The following SF3B1 variants were observed in gnomAD, a reference collection of about 807,000 sequenced individuals.
SF3B1 encodes the protein splicing factor 3b subunit 1, also known as pre-mRNA processing 10.
SF3B1 carries 12 observed loss-of-function variants against 153.8 expected under a neutral mutation model. That is an observed-to-expected ratio of 0.08 (90% CI 0.05 to 0.13). The LOEUF (loss-of-function observed/expected upper bound fraction) is 0.13. Ranked by LOEUF, SF3B1 falls within the 10% of genes least tolerant of loss-of-function variation. SF3B1 has a pLI of 1.00. For synonymous variants in SF3B1, 498 were observed against 525.2 expected, an observed-to-expected ratio of 0.95 and a Z score of 0.71; for missense variants, 513 against 1,606.1, an observed-to-expected ratio of 0.32 and a Z score of 11.63.
chr2:197,415,546 A>C (rs1002060446), intron 6 of SF3B1, among the ~76,000 whole-genome samples: 2 of 152,068 alleles, frequency 1.3e-5, no homozygotes, highest in Non-Finnish European at 2.9e-5. Context: ...GAGCCACCGC[A>C]CCCAGCCGCT....
intron 12 of SF3B1, 64 bp from the exon 13 acceptor site, chr2:197,403,099 C>G (rs1416096628): frequency 1.8e-6 from 2 of 1,114,482 alleles, no homozygotes; most frequent in African/African-American, 3.2e-5. Context: ...TGCTCATGTA[C>G]AGAATTAAAC....
Position 197,434,953 on chromosome 2 carries a change from G to C in SF3B1, c.28+19C>G. On this transcript the variant is annotated intron_variant, in intron 1 of 24. Transcript: ENST00000335508. Reference sequence around the variant, plus strand: ...GGCTAGCAACGAAGAAAACACGTAAGCAGGGAAAGACCGCTTACCTTCGTG... The same window carrying C: ...GGCTAGCAACGAAGAAAACACGTAACCAGGGAAAGACCGCTTACCTTCGTG... The C allele has an allele frequency of 6.2e-7, 1 of 1,612,394 alleles. No homozygotes were observed. Among genetic ancestry groups the C allele is most frequent in the Non-Finnish European group, 8.5e-7 (1 of 1,178,340 alleles).
intron 3 of SF3B1, 69 bp downstream of exon 3, chr2:197,420,960 T>C (rs113280079): frequency 1.1e-6 from 1 of 930,530 alleles, no homozygotes; most frequent in African/African-American, 1.7e-5. Context: ...AATTTATGGA[T>C]TTCTATGGGA....
At chr2:197,415,737 A>G (rs2085138148) in intron 6 of SF3B1, among the ~76,000 whole-genome samples, 1 of 152,242 alleles carries the variant, frequency 6.6e-6, no homozygotes, top group Non-Finnish European at 1.5e-5. Context: ...AATGATAGAA[A>G]ACATCTAATA....
intron 23 of SF3B1, among the ~76,000 whole-genome samples, chr2:197,394,885 A>G (rs1047572060): frequency 4.6e-4 from 70 of 152,278 alleles, no homozygotes; most frequent in African/African-American, 1.6e-3. Flanking sequence ...AGACTGGGTG[A>G]CACAGCAAAA....
intron 22 of SF3B1, among the ~76,000 whole-genome samples, chr2:197,396,942 T>G (rs2084881664): frequency 6.6e-6 from 1 of 152,208 alleles, no homozygotes. Flanking sequence ...GAGTATGTGT[T>G]AGGGGAGGGG....
chr2:197,431,309 G>A (rs1054524025), intron 1 of SF3B1, among the ~76,000 whole-genome samples: 1 of 151,572 alleles, frequency 6.6e-6, no homozygotes, highest in Non-Finnish European at 1.5e-5. Context: ...TAGTAGAGAG[G>A]GGGTTTCACC....
rs1218017717 is a variant in SF3B1 at position 197,435,028 on chromosome 2, T to C, written c.-29A>G. ...GTCCACTCGAACACACAGACGGAAC[T>C]GGCGCTCCCAAGAACTTCCGCTCGT... On this transcript the variant is annotated 5_prime_UTR_variant, in exon 1 of 25. Transcript: ENST00000335508. 9.3e-6 allele frequency: 15 copies of C among 1,614,250 alleles called. No individual in the cohort carries two copies. The highest frequency in any genetic ancestry group is 1.1e-5 in the South Asian group (1 of 91,090).
chr2:197,392,899 A>T (rs756761255), intron 24 of SF3B1, 73 bp downstream of exon 24: 12 of 880,294 alleles, frequency 1.4e-5, no homozygotes, highest in Non-Finnish European at 2.2e-5. Context: ...CACGTTCAGC[A>T]CAAGTATCCC....
rs2084945839 is a variant in SF3B1 at position 197,402,486 on chromosome 2, T to A, written c.2077+70A>T. ...CTTGAGCCCAAAGGTTTGAGTCCAGTCTGGGCAACATAGTAAGACCCTGTC... is the reference window on the plus strand; with the variant it reads ...CTTGAGCCCAAAGGTTTGAGTCCAGACTGGGCAACATAGTAAGACCCTGTC... On this transcript the variant is annotated intron_variant, in intron 14 of 24. Coordinates refer to ENST00000335508, the MANE Select transcript of SF3B1 (RefSeq NM_012433.4). This position sits in a 1 kb window ranked among gnomAD's most constrained non-coding sequence, Gnocchi z 4.6. 1 of 1,406,320 alleles carries A rather than the reference T, an allele frequency of 7.1e-7. No individual in the cohort carries two copies. Among genetic ancestry groups the A allele is most frequent in the Non-Finnish European group, 9.7e-7 (1 of 1,030,416 alleles). 87.1% of individuals were successfully genotyped at this position (1,406,320 alleles called of 1,614,324 possible).
At chr2:197,399,712 T>G (rs1023356956) in intron 20 of SF3B1, among the ~76,000 whole-genome samples, 3 of 152,176 alleles carry the variant, frequency 2.0e-5, no homozygotes, top group Admixed American at 2.0e-4. Context: ...ACTTTAGGAT[T>G]GCCTTTTCAC....
At chr2:197,397,938 A>AT (rs906438595) in intron 22 of SF3B1, 47 bp downstream of exon 22, 50 of 1,447,624 alleles carry the variant, frequency 3.5e-5, no homozygotes, top group Non-Finnish European at 4.1e-5. Flanking sequence ...ACCACAATGC[A>AT]TTTATTATAA....
chr2:197,424,049 G>C, intron 1 of SF3B1, 75 bp from the exon 2 acceptor site: 2 of 1,230,900 alleles, frequency 1.6e-6, no homozygotes, highest in Non-Finnish European at 2.3e-6. Context: ...TTCTTTACTA[G>C]GTAATTATCA....
chr2:197,408,163 T>G (rs755538848), intron 8 of SF3B1, 44 bp from the exon 9 acceptor site: 1 of 1,519,290 alleles, frequency 6.6e-7, no homozygotes, highest in Non-Finnish European at 9.1e-7. Context: ...AGTACAAGAC[T>G]GTATTATTAC....
At chr2:197,413,609 T>C (rs912138669) in intron 6 of SF3B1, among the ~76,000 whole-genome samples, 6 of 152,166 alleles carry the variant, frequency 3.9e-5, no homozygotes. Flanking sequence ...GGTTTATAAA[T>C]TAAATCTATA....
chr2:197,420,601 C>A (rs773837818), intron 3 of SF3B1, 59 bp from the exon 4 acceptor site: 1 of 1,147,070 alleles, frequency 8.7e-7, no homozygotes. Context: ...AACAGAATAT[C>A]ATAAACAAAA....
At chr2:197,408,787 G>A in intron 7 of SF3B1, 1 of 540,598 alleles carries the variant, frequency 1.8e-6, no homozygotes, top group South Asian at 2.1e-5. Context: ...GCCAGGTGTG[G>A]TGGTGGGCGC....
chr2:197,409,163 G>C (rs1450978423), intron 7 of SF3B1, among the ~76,000 whole-genome samples: 1 of 152,080 alleles, frequency 6.6e-6, no homozygotes, highest in African/African-American at 2.4e-5. Flanking sequence ...ATTTCAGAAG[G>C]CCGAGGGGGG....
chr2:197,416,867 T>A lies in SF3B1; in HGVS notation c.540A>T (p.Glu180Asp). The change falls in exon 6 of 25, where the codon GAA becomes GAT. Residue 180 changes from glutamate (E) to aspartate (D), a missense_variant. Glu to Asp is a conservative substitution (Grantham distance 45). Transcript: ENST00000335508. Reference protein sequence around the residue: ...QQLAEKAKAGELKVVNGAAAS... With the variant: ...QQLAEKAKAGDLKVVNGAAAS... ...CTGCTGCTCCATTGACGACTTTTAG[T>A]TCTCCAGCTTTAGCTTTTTCTGCTA... 1 of 1,614,058 alleles carries A rather than the reference T, an allele frequency of 6.2e-7. No individual in the cohort carries two copies. The highest frequency in any genetic ancestry group is 8.5e-7 in the Non-Finnish European group (1 of 1,179,944).
Sources: gnomAD v4.1 joint callset for allele counts (sites outside exome capture counted in the v4.1 genomes callset) on GRCh38, gnomAD v4.1.1 for gene constraint, Gnocchi (gnomAD v3.1) non-coding constraint, MANE v1.5 for transcripts, NCBI Gene and HGNC (gene_info 2026-07-23, HGNC 2026-07-21) for gene names.